Variants in SIPA1L3 observed in about 807,000 individuals in gnomAD.
The protein encoded by SIPA1L3 is signal-induced proliferation-associated 1-like protein 3.
A neutral mutation model predicts 150.1 loss-of-function variants in SIPA1L3; 59 were observed. The observed-to-expected ratio is 0.39, with a 90% CI of 0.32 to 0.49. SIPA1L3 has a LOEUF of 0.49. SIPA1L3 is among the 20% of genes least tolerant of loss of function. The probability of loss-of-function intolerance (pLI) is 0.86; values close to 1 mark genes in which losing one functional copy is unlikely to be tolerated. For synonymous variants in SIPA1L3, 1,070 were observed against 1,077.6 expected (o/e 0.99, Z 0.14); for missense variants, 2,211 against 2,489.5 (o/e 0.89, Z 2.38).
intron 12 of SIPA1L3, among the ~76,000 whole-genome samples, chr19:38,148,701 T>C (rs1971753498): frequency 6.6e-6 from 1 of 152,156 alleles, no homozygotes; most frequent in Admixed American, 6.5e-5. Flanking sequence ...CTTTCCTCTG[T>C]GGCCAAGAGG....
chr19:37,992,470 G>A (rs1289990114), intron 1 of SIPA1L3, among the ~76,000 whole-genome samples: 1 of 152,080 alleles, frequency 6.6e-6, no homozygotes, highest in Non-Finnish European at 1.5e-5. Flanking sequence ...GGCCAACACG[G>A]CGAGACCCCG....
intron 1 of SIPA1L3, among the ~76,000 whole-genome samples, chr19:37,911,933 G>A (rs537193724): frequency 5.2e-4 from 79 of 152,056 alleles, no homozygotes; most frequent in East Asian, 1.8e-3. Flanking sequence ...TTAGCCAGGC[G>A]TGGTGGCCGG....
At chr19:38,070,182 A>T (rs891758911) in intron 2 of SIPA1L3, among the ~76,000 whole-genome samples, 1 of 145,484 alleles carries the variant, frequency 6.9e-6, no homozygotes, top group African/African-American at 2.6e-5. Context: ...AACTATAGTG[A>T]TCTTCAGTCC....
intron 2 of SIPA1L3, among the ~76,000 whole-genome samples, chr19:38,075,784 A>G (rs1026287171): frequency 7.4e-5 from 11 of 149,334 alleles, no homozygotes; most frequent in African/African-American, 2.5e-4. Flanking sequence ...TGTCTCAAAG[A>G]AAAAAAAAAC....
chr19:37,976,973 T>G (rs1270328625), intron 1 of SIPA1L3, among the ~76,000 whole-genome samples: 1 of 152,108 alleles, frequency 6.6e-6, no homozygotes, highest in Non-Finnish European at 1.5e-5. Context: ...TAGCTGGGAC[T>G]ATAGGCATGT....
rs1969090036 is a variant in SIPA1L3, at chr19:38,047,595, C to T, written c.-311+18439C>T. 6.6e-6 allele frequency among the ~76,000 whole-genome samples: 1 copy of T among 152,220 alleles called. No homozygotes were observed. Among genetic ancestry groups the T allele is most frequent in the Non-Finnish European group, 1.5e-5 (1 of 68,038 alleles). On this transcript the variant is annotated intron_variant, in intron 2 of 21. Coordinates refer to ENST00000222345, the MANE Select transcript of SIPA1L3 (RefSeq NM_015073.3). This position sits in a 1 kb window ranked among gnomAD's most constrained non-coding sequence, Gnocchi z 4.7. ...ACTCACTTTATAGTAGAGGCAGTCACAGGCGATCTGTGGGTAGAGCGATGA... is the reference window on the plus strand; with the variant it reads ...ACTCACTTTATAGTAGAGGCAGTCATAGGCGATCTGTGGGTAGAGCGATGA...
At chr19:38,017,692 T>A (rs1968270575) in intron 1 of SIPA1L3, among the ~76,000 whole-genome samples, 2 of 152,000 alleles carry the variant, frequency 1.3e-5, no homozygotes, top group Non-Finnish European at 2.9e-5. Flanking sequence ...CCTGGCTGAT[T>A]TTTTTTATTT....
intron 9 of SIPA1L3, among the ~76,000 whole-genome samples, chr19:38,120,226 G>A (rs556886250): frequency 6.6e-6 from 1 of 152,178 alleles, no homozygotes; most frequent in South Asian, 2.1e-4. Context: ...ACTTTAGGAG[G>A]CTGAGGTGGT....
chr19:38,000,857 A>G (rs1345641310), intron 1 of SIPA1L3, among the ~76,000 whole-genome samples: 3 of 146,596 alleles, frequency 2.0e-5, no homozygotes, highest in Non-Finnish European at 1.5e-5. Context: ...TCTTCTTTGT[A>G]CATTTATGTT....
At chr19:38,016,886 C>CTTTTTTTTTTT (rs58459050) in intron 1 of SIPA1L3, among the ~76,000 whole-genome samples, 11 of 69,106 alleles carry the variant, frequency 1.6e-4, no homozygotes, top group African/African-American at 7.3e-4. Context: ...CCTCCTCTGG[C>CTTTTTTTTTTT]TTTTTTTTTT....
chr19:37,918,941 A>T (rs1319721365), intron 1 of SIPA1L3, among the ~76,000 whole-genome samples: 1 of 152,058 alleles, frequency 6.6e-6, no homozygotes, highest in Non-Finnish European at 1.5e-5. Flanking sequence ...TTGGACATGA[A>T]ACCTGTTGTG....
chr19:38,032,149 T>A (rs1968667063), intron 2 of SIPA1L3, among the ~76,000 whole-genome samples: 1 of 152,232 alleles, frequency 6.6e-6, no homozygotes, highest in Non-Finnish European at 1.5e-5. Context: ...ATTTATTAAT[T>A]GGAACTCTTC....
intron 19 of SIPA1L3, chr19:38,200,249 A>C (rs1163395766): frequency 6.6e-6 from 1 of 152,182 alleles, no homozygotes; most frequent in African/African-American, 2.4e-5. Context: ...GCATGGTATC[A>C]CACACCTGTA....
chr19:38,075,370 C>T (rs1291708316), intron 2 of SIPA1L3, among the ~76,000 whole-genome samples: 1 of 151,960 alleles, frequency 6.6e-6, no homozygotes, highest in Non-Finnish European at 1.5e-5. Context: ...GCAGGAGAAT[C>T]GCTTGAACCC....
intron 1 of SIPA1L3, among the ~76,000 whole-genome samples, chr19:37,976,522 A>G (rs1386545122): frequency 1.3e-5 from 2 of 152,122 alleles, no homozygotes; most frequent in African/African-American, 4.8e-5. Context: ...CTGAGGCCCT[A>G]AAAGGGTCGA....
intron 8 of SIPA1L3, among the ~76,000 whole-genome samples, chr19:38,111,031 T>G (rs1216805603): frequency 1.1e-4 from 16 of 150,082 alleles, no homozygotes; most frequent in Admixed American, 2.7e-4. Context: ...TGGGTTTTTT[T>G]TTTTTTTTTT....
At chr19:38,057,656 T>C (rs1599967561) in intron 2 of SIPA1L3, among the ~76,000 whole-genome samples, 1 of 151,900 alleles carries the variant, frequency 6.6e-6, no homozygotes, top group African/African-American at 2.4e-5. Context: ...ACTTTTTTTT[T>C]TTTCTTTTGA....
chr19:38,032,614 C>T (rs565166776), intron 2 of SIPA1L3, among the ~76,000 whole-genome samples: 18 of 152,170 alleles, frequency 1.2e-4, no homozygotes, highest in African/African-American at 4.1e-4. Flanking sequence ...CCAAGGTGGG[C>T]GGGTCACTTG....
intron 2 of SIPA1L3, among the ~76,000 whole-genome samples, chr19:38,032,768 C>T (rs1281390797): frequency 3.3e-5 from 5 of 151,846 alleles, no homozygotes; most frequent in East Asian, 1.9e-4. Context: ...GTGGGAGGAT[C>T]GCTTGAACCC....
Sources: allele counts gnomAD v4.1 joint callset (sites outside exome capture counted in the v4.1 genomes callset), GRCh38; gene constraint gnomAD v4.1.1; non-coding constraint Gnocchi (gnomAD v3.1); transcripts MANE v1.5; gene names NCBI Gene and HGNC (gene_info 2026-07-23, HGNC 2026-07-21).